The following ADGRL3 variants were observed in gnomAD, a reference collection of about 807,000 sequenced individuals.
ADGRL3 encodes the protein calcium-independent alpha-latrotoxin receptor 3.
ADGRL3 carries 62 observed loss-of-function variants against 153.5 expected under a neutral mutation model. That is an observed-to-expected ratio of 0.40 (90% CI 0.33 to 0.50). The LOEUF (loss-of-function observed/expected upper bound fraction) is 0.50, where lower values mean the gene tolerates loss of function less well. Ranked by LOEUF, ADGRL3 falls within the 20% of genes least tolerant of loss-of-function variation. ADGRL3 has a pLI of 0.47. For missense variants in ADGRL3, 1,641 were observed against 1,859.4 expected, an observed-to-expected ratio of 0.88 and a Z score of 2.16; for synonymous variants, 710 against 672.5, an observed-to-expected ratio of 1.06 and a Z score of -0.86.
intron 2 of ADGRL3, among the ~76,000 whole-genome samples, chr4:61,475,874 A>T (rs2098041586): frequency 1.3e-5 from 2 of 151,748 alleles, no homozygotes; most frequent in Non-Finnish European, 2.9e-5. Context: ...ACTGATGAAC[A>T]AATAAAGATA....
chr4:61,960,477 T>C (rs552066040), intron 17 of ADGRL3, among the ~76,000 whole-genome samples: 57 of 152,194 alleles, frequency 3.7e-4, no homozygotes, highest in Non-Finnish European at 7.2e-4. Flanking sequence ...TCGTAGGACA[T>C]AGGAAGGACT....
chr4:61,298,127 T>G (rs1430039991), intron 1 of ADGRL3, among the ~76,000 whole-genome samples: 2 of 152,180 alleles, frequency 1.3e-5, no homozygotes, highest in Non-Finnish European at 2.9e-5. Context: ...TATTATACTT[T>G]TGTTACTAAT....
chr4:61,221,949 G>T (rs937534255), intron 1 of ADGRL3, among the ~76,000 whole-genome samples: 4 of 152,060 alleles, frequency 2.6e-5, no homozygotes, highest in African/African-American at 7.2e-5. Flanking sequence ...TACATTTGTT[G>T]AAAATAAATA....
chr4:61,348,425 G>A (rs1003702604), intron 1 of ADGRL3, among the ~76,000 whole-genome samples: 3 of 151,966 alleles, frequency 2.0e-5, no homozygotes, highest in Non-Finnish European at 2.9e-5. Context: ...ATGAGATCAC[G>A]TAATAAATAT....
chr4:61,953,449 T>G (rs927971948), intron 17 of ADGRL3, among the ~76,000 whole-genome samples: 1 of 152,206 alleles, frequency 6.6e-6, no homozygotes, highest in African/African-American at 2.4e-5. Context: ...TTTATTCTTT[T>G]ATCCACATTT....
chr4:61,996,985 G>A (rs1267608721), intron 20 of ADGRL3, among the ~76,000 whole-genome samples: 1 of 145,746 alleles, frequency 6.9e-6, no homozygotes, highest in African/African-American at 2.5e-5. Flanking sequence ...ATACAAAGTT[G>A]CTATCCATTT....
intron 1 of ADGRL3, among the ~76,000 whole-genome samples, chr4:61,331,447 G>C (rs925688532): frequency 1.3e-5 from 2 of 151,998 alleles, no homozygotes; most frequent in African/African-American, 4.8e-5. Context: ...TTATTTAAAA[G>C]TAAAGTTAAA....
intron 6 of ADGRL3, among the ~76,000 whole-genome samples, chr4:61,695,640 GACTTAGCTTGTTCTTTGA>G (rs2095628712): frequency 6.6e-6 from 1 of 152,156 alleles, no homozygotes; most frequent in African/African-American, 2.4e-5. Context: ...CCTAATAAGA[GACTTAGCTTGTTCTTTGA>G]AGTTTTACGG....
At chr4:61,554,109 T>TTG (rs1413845195) in intron 4 of ADGRL3, among the ~76,000 whole-genome samples, 1 of 151,474 alleles carries the variant, frequency 6.6e-6, no homozygotes, top group Non-Finnish European at 1.5e-5. Flanking sequence ...CATTTTTTTT[T>TTG]TTTTTACATT....
At chr4:61,517,905 C>A (rs1411277669) in intron 4 of ADGRL3, among the ~76,000 whole-genome samples, 1 of 152,090 alleles carries the variant, frequency 6.6e-6, no homozygotes, top group Non-Finnish European at 1.5e-5. Context: ...CCAATGGAAA[C>A]TATCAAGATT....
chr4:62,029,862 G>A, intron 22 of ADGRL3, among the ~76,000 whole-genome samples: 1 of 151,218 alleles, frequency 6.6e-6, no homozygotes, highest in East Asian at 1.9e-4. Context: ...TGATTTAATG[G>A]CAATTCTTAT....
In ADGRL3 at chr4:61,774,079, G is replaced by A. The variant is rs562879774; in HGVS notation, c.1400-39730G>A. On this transcript the variant is annotated intron_variant, in intron 8 of 26. Transcript: ENST00000683033. The stretch of plus-strand genomic sequence containing the variant: ...ATCAAAAATATTCAGGAAACAGGCC[G>A]GGCATGGTGCCTCATGCTTGTAATC... Among the ~76,000 whole-genome samples, 8 of 152,114 alleles carry A rather than the reference G, an allele frequency of 5.3e-5. No homozygotes were observed. In the East Asian group the frequency reaches 9.7e-4, roughly 18 times the overall value.
At chr4:62,036,145 A>G (rs886261132) in intron 23 of ADGRL3, among the ~76,000 whole-genome samples, 1 of 152,158 alleles carries the variant, frequency 6.6e-6, no homozygotes, top group Admixed American at 6.6e-5. Context: ...AAACAAATCA[A>G]TAGCATTTTA....
At chr4:61,456,495 C>A (rs990890203) in intron 2 of ADGRL3, among the ~76,000 whole-genome samples, 10 of 77,294 alleles carry the variant, frequency 1.3e-4, no homozygotes, top group Admixed American at 5.7e-4. Flanking sequence ...ATAGATATAT[C>A]TATATCTATA....
chr4:61,973,742 T>C (rs1164605982), intron 17 of ADGRL3, among the ~76,000 whole-genome samples: 1 of 152,132 alleles, frequency 6.6e-6, no homozygotes, highest in East Asian at 1.9e-4. Flanking sequence ...AAATTAACAC[T>C]AGTCTATGGT....
chr4:61,634,065 G>A (rs72498877), intron 5 of ADGRL3, among the ~76,000 whole-genome samples: 4,965 of 152,172 alleles, frequency 0.033, 158 homozygotes, highest in East Asian at 0.18. Flanking sequence ...TTGCAATTTT[G>A]AGTTTTAAAG....
In ADGRL3 at chr4:61,895,715, TC is replaced by T. The variant is rs1228529433; in HGVS notation, c.1784-15del. ...TCTAAGAAAAAGAAACAGATACATT[TC>T]TCTCATTATTACAGGTGTATCAACT... On this transcript the variant is annotated splice_polypyrimidine_tract_variant and intron_variant, in intron 10 of 26. Coordinates refer to ENST00000683033, the MANE Select transcript of ADGRL3 (RefSeq NM_001387552.1). The T allele has an allele frequency of 2.2e-6, 3 of 1,373,352 alleles. No homozygotes were observed. The highest frequency in any genetic ancestry group is 2.0e-5 in the Admixed American group (1 of 51,066). 85.1% of individuals were successfully genotyped at this position (1,373,352 alleles called of 1,614,324 possible).
chr4:61,505,241 A>G (rs781589195), intron 3 of ADGRL3, among the ~76,000 whole-genome samples: 2 of 152,148 alleles, frequency 1.3e-5, no homozygotes, highest in African/African-American at 2.4e-5. Flanking sequence ...GATCATTTGC[A>G]TATCTTCTTT....
chr4:61,520,271 T>G (rs2098521929), intron 4 of ADGRL3, among the ~76,000 whole-genome samples: 1 of 152,184 alleles, frequency 6.6e-6, no homozygotes, highest in African/African-American at 2.4e-5. Flanking sequence ...GCTAAAGGCA[T>G]GTTAATGTGT....
Sources: gnomAD v4.1 joint callset for allele counts (sites outside exome capture counted in the v4.1 genomes callset) on GRCh38, gnomAD v4.1.1 for gene constraint, MANE v1.5 for transcripts, NCBI Gene and HGNC (gene_info 2026-07-23, HGNC 2026-07-21) for gene names.